The following MIPOL1 variants were observed in gnomAD, a reference collection of about 807,000 sequenced individuals.
The protein encoded by MIPOL1 is mirror-image polydactyly gene 1 protein.
In MIPOL1, 57 loss-of-function variants were observed where a neutral mutation model predicts 60.9. The ratio of observed to expected loss-of-function variants is 0.94; its 90% CI spans 0.76 to 1.17. The LOEUF (loss-of-function observed/expected upper bound fraction) is 1.17, where lower values mean the gene tolerates loss of function less well. MIPOL1 is among the 50% of genes most tolerant of loss of function. MIPOL1 has a pLI of 0.00. For synonymous variants in MIPOL1, 179 were observed against 168.8 expected (o/e 1.06, Z -0.47); for missense variants, 551 against 511.6 (o/e 1.08, Z -0.74).
chr14:37,405,175 A>C (rs976327547), intron 10 of MIPOL1, among the ~76,000 whole-genome samples: 1 of 152,188 alleles, frequency 6.6e-6, no homozygotes, highest in African/African-American at 2.4e-5. Context: ...GTAGTTCTAT[A>C]CAACAGTTAA....
chr14:37,535,093 AAAAC>A (rs1417966172), intron 12 of MIPOL1, among the ~76,000 whole-genome samples: 2 of 152,192 alleles, frequency 1.3e-5, no homozygotes, highest in Admixed American at 1.3e-4. Flanking sequence ...AAAAGTAAAT[AAAAC>A]AAAGTTTCAC....
At chr14:37,218,987 T>TA (rs1198319332) in intron 1 of MIPOL1, among the ~76,000 whole-genome samples, 4 of 149,104 alleles carry the variant, frequency 2.7e-5, no homozygotes, top group African/African-American at 9.8e-5. Context: ...GTAAAGGTGG[T>TA]AAAAGCAGAT....
chr14:37,516,937 A>T (rs1294774889), intron 12 of MIPOL1, among the ~76,000 whole-genome samples: 1 of 152,178 alleles, frequency 6.6e-6, no homozygotes. Flanking sequence ...TGTTTCTGCC[A>T]TTTATGAGGT....
intron 1 of MIPOL1, among the ~76,000 whole-genome samples, chr14:37,213,071 A>T (rs1966967140): frequency 6.6e-6 from 1 of 152,160 alleles, no homozygotes; most frequent in African/African-American, 2.4e-5. Context: ...GTCCTTTCAG[A>T]TGTCTGGAAA....
intron 6 of MIPOL1, among the ~76,000 whole-genome samples, chr14:37,285,019 A>G (rs1044252029): frequency 2.0e-5 from 3 of 152,204 alleles, no homozygotes; most frequent in African/African-American, 7.2e-5. Flanking sequence ...ATGGTTGTAG[A>G]AATATATCTG....
intron 11 of MIPOL1, among the ~76,000 whole-genome samples, chr14:37,445,845 G>C (rs938403838): frequency 6.6e-6 from 1 of 152,178 alleles, no homozygotes; most frequent in East Asian, 1.9e-4. Context: ...TTTAATAAAT[G>C]GTGCTGGGAA....
intron 10 of MIPOL1, among the ~76,000 whole-genome samples, chr14:37,372,281 A>G (rs973310005): frequency 2.6e-5 from 4 of 152,150 alleles, no homozygotes; most frequent in African/African-American, 7.2e-5. Context: ...TTATGGCAAA[A>G]TCAGTTATCA....
At chr14:37,353,742 C>G (rs547241999) in intron 9 of MIPOL1, among the ~76,000 whole-genome samples, 1 of 152,228 alleles carries the variant, frequency 6.6e-6, no homozygotes, top group Admixed American at 6.5e-5. Context: ...TCTGTGGGAT[C>G]AGTGGTGATA....
intron 7 of MIPOL1, 111 bp from the exon 8 acceptor site, chr14:37,307,945 A>C (rs1489301600): frequency 2.4e-6 from 2 of 839,190 alleles, no homozygotes; most frequent in Non-Finnish European, 3.9e-6. Context: ...GGTTGACTCT[A>C]AAGACTAGTC....
intron 7 of MIPOL1, among the ~76,000 whole-genome samples, chr14:37,293,980 G>A (rs1288166810): frequency 6.6e-6 from 1 of 152,208 alleles, no homozygotes; most frequent in Non-Finnish European, 1.5e-5. Context: ...CCAGCACGCA[G>A]CTTGAGATCT....
chr14:37,245,468 A>G (rs1702499630), intron 1 of MIPOL1, among the ~76,000 whole-genome samples: 1 of 152,156 alleles, frequency 6.6e-6, no homozygotes, highest in Admixed American at 6.5e-5. Context: ...TGTGACATCA[A>G]GGGCAAAGCA....
At chr14:37,408,608 G>A (rs567529522) in intron 10 of MIPOL1, among the ~76,000 whole-genome samples, 1 of 152,178 alleles carries the variant, frequency 6.6e-6, no homozygotes, top group Non-Finnish European at 1.5e-5. Flanking sequence ...CAGCCTGGGT[G>A]TCAGAGGGAG....
intron 9 of MIPOL1, among the ~76,000 whole-genome samples, chr14:37,327,638 T>C (rs2089291642): frequency 6.6e-6 from 1 of 152,166 alleles, no homozygotes; most frequent in South Asian, 2.1e-4. Context: ...ATGTTTGTCT[T>C]CCATTATAAT....
intron 9 of MIPOL1, among the ~76,000 whole-genome samples, chr14:37,348,983 C>CT (rs11347957): frequency 0.55 from 40,949 of 74,180 alleles, 11,921 homozygotes; most frequent in Non-Finnish European, 0.63. Context: ...CCAGCTAATT[C>CT]TTTTTTTTTT....
At chr14:37,476,684 G>A (rs1012145747) in intron 11 of MIPOL1, among the ~76,000 whole-genome samples, 1 of 151,932 alleles carries the variant, frequency 6.6e-6, no homozygotes, top group African/African-American at 2.4e-5. Flanking sequence ...TTTTTTATAT[G>A]ATTAATGATT....
At chr14:37,469,396 C>T (rs2094646730) in intron 11 of MIPOL1, among the ~76,000 whole-genome samples, 1 of 152,120 alleles carries the variant, frequency 6.6e-6, no homozygotes, top group Admixed American at 6.5e-5. Flanking sequence ...ACAAGAACAG[C>T]ACCAAGGAGT....
chr14:37,248,202 G>A (rs998332735), intron 3 of MIPOL1, among the ~76,000 whole-genome samples: 6 of 151,726 alleles, frequency 4.0e-5, no homozygotes, highest in Admixed American at 6.6e-5. Context: ...ATAGAAACAC[G>A]CCTACATACA....
At chr14:37,343,931 G>T (rs533222336) in intron 9 of MIPOL1, among the ~76,000 whole-genome samples, 1 of 151,956 alleles carries the variant, frequency 6.6e-6, no homozygotes, top group East Asian at 1.9e-4. Context: ...GAATCCTTAT[G>T]GTATTTTCAG....
At chr14:37,253,167 A>G (rs2153366120) in intron 3 of MIPOL1, among the ~76,000 whole-genome samples, 1 of 151,902 alleles carries the variant, frequency 6.6e-6, no homozygotes, top group African/African-American at 2.4e-5. Context: ...TTAAAGTAGA[A>G]AGAAGACTGT....
Sources: allele counts gnomAD v4.1 joint callset (sites outside exome capture counted in the v4.1 genomes callset), GRCh38; gene constraint gnomAD v4.1.1; transcripts MANE v1.5; gene names NCBI Gene and HGNC (gene_info 2026-07-23, HGNC 2026-07-21).